TOX4: variants seen among roughly 807,000 people sequenced by gnomAD.
The protein encoded by TOX4 is epidermal Langerhans cell protein LCP1.
TOX4 carries 12 observed loss-of-function variants against 61.0 expected under a neutral mutation model. The observed-to-expected ratio is 0.20, with a 90% CI of 0.13 to 0.32. The LOEUF (loss-of-function observed/expected upper bound fraction) is 0.32. Ranked by LOEUF, TOX4 falls within the 10% of genes least tolerant of loss-of-function variation. The pLI, the probability that TOX4 is intolerant of heterozygous loss-of-function variation, is 1.00. For synonymous variants in TOX4, 268 were observed against 274.8 expected, an observed-to-expected ratio of 0.98 and a Z score of 0.24; for missense variants, 499 against 753.3, an observed-to-expected ratio of 0.66 and a Z score of 3.95.
chr14:21,481,326 G>T (rs932726981), intron 2 of TOX4, among the ~76,000 whole-genome samples: 5 of 152,178 alleles, frequency 3.3e-5, no homozygotes, highest in Admixed American at 2.6e-4. Context: ...TTACAGGCAT[G>T]TGCCACCACA....
At chr14:21,483,060 T>G (rs1891134324) in intron 2 of TOX4, among the ~76,000 whole-genome samples, 1 of 152,220 alleles carries the variant, frequency 6.6e-6, no homozygotes, top group Non-Finnish European at 1.5e-5. Context: ...TCTAATTTTT[T>G]TATCATTTCC....
At chr14:21,490,172 A>G (rs746779165) in intron 5 of TOX4, among the ~76,000 whole-genome samples, 1 of 151,478 alleles carries the variant, frequency 6.6e-6, no homozygotes, top group Non-Finnish European at 1.5e-5. Context: ...CCCCGGCTCA[A>G]ATAAATAAAT....
intron 2 of TOX4, 117 bp downstream of exon 2, chr14:21,477,681 G>A: frequency 8.6e-7 from 1 of 1,164,572 alleles, no homozygotes; most frequent in Non-Finnish European, 1.2e-6. Context: ...GCCGCAATTG[G>A]TGTTTAGAGA....
At chr14:21,482,431 AATAAT>A (rs1891121245) in intron 2 of TOX4, 1 of 373,316 alleles carries the variant, frequency 2.7e-6, no homozygotes, top group African/African-American at 2.2e-5. Context: ...AAGCTAAAGA[AATAAT>A]AGATTGTATG....
In TOX4 at chr14:21,492,781, G is replaced by A; in HGVS notation, c.1165G>A (p.Val389Ile). 6.2e-7 allele frequency: 1 copy of A among 1,614,098 alleles called. No homozygotes were observed. Among genetic ancestry groups the A allele is most frequent in the Admixed American group, 1.7e-5 (1 of 60,006 alleles). The change falls in exon 7 of 9, where the codon GTT becomes ATT. Residue 389 changes from valine (V) to isoleucine (I), a missense_variant. Coordinates refer to ENST00000448790, the MANE Select transcript of TOX4 (RefSeq NM_014828.4). Reference protein sequence around the residue: ...ITMSQGGMVTVIPATVVTSRG... With the variant: ...ITMSQGGMVTIIPATVVTSRG... ...TATGTCTCAAGGAGGGATGGTTACT[G>A]TTATCCCAGCCACAGTGGTGACCTC...
rs892999366 is a variant in TOX4, at chr14:21,497,402, TTAAA to T, written c.*801_*804del. 10 of 152,300 alleles carry T rather than the reference TTAAA, an allele frequency of 6.6e-5. No individual in the cohort carries two copies. In the East Asian group the frequency reaches 1.2e-3, roughly 18 times the overall value. The allele number at this position is 152,300 out of a possible 1,614,324, so 9.4% of individuals were successfully genotyped here. ...CATGATAGTCCAAGTGGTGATAACT[TTAAA>T]TAAAACTCAAATTTTTACTGTTTGT... On this transcript the variant is annotated 3_prime_UTR_variant, in exon 9 of 9. Transcript: ENST00000448790.
intron 7 of TOX4, 125 bp downstream of exon 7, chr14:21,493,382 G>A: frequency 9.9e-7 from 1 of 1,013,128 alleles, no homozygotes; most frequent in Non-Finnish European, 1.4e-6. Context: ...AAAACATCCT[G>A]CAGATGGGAG....
intron 1 of TOX4, 83 bp downstream of exon 1, chr14:21,477,367 C>T: frequency 6.2e-7 from 1 of 1,612,536 alleles, no homozygotes; most frequent in Non-Finnish European, 8.5e-7. Flanking sequence ...GGCGGAGAGG[C>T]GACTGACGGG....
rs1891324132 is a variant in TOX4 at position 21,492,926 on chromosome 14, A to C, written c.1310A>C (p.Gln437Pro). 1.2e-6 allele frequency: 2 copies of C among 1,609,326 alleles called. No homozygotes were observed. Among genetic ancestry groups the C allele is most frequent in the Non-Finnish European group, 1.7e-6 (2 of 1,178,908 alleles). The change falls in exon 7 of 9, where the codon CAA becomes CCA. Residue 437 changes from glutamine (Q) to proline (P), a missense_variant. Gln to Pro is a moderately conservative substitution (Grantham distance 76, BLOSUM62 -1). This residue lies in a region of TOX4 where 296 missense variants were observed against 404.7 expected (regional missense o/e 0.73). Transcript: ENST00000448790. ...AAAAAAAASMQLPPPRLQPPP... is the reference protein window; with the variant it reads ...AAAAAAAASMPLPPPRLQPPP... The stretch of plus-strand genomic sequence containing the variant: ...GCTGCTGCTGCTGCTGCTTCTATGC[A>C]ACTGCCTCCACCCCGACTACAGCCC...
chr14:21,481,262 T>TC (rs568071082), intron 2 of TOX4, among the ~76,000 whole-genome samples: 121 of 152,166 alleles, frequency 8.0e-4, no homozygotes, highest in Non-Finnish European at 1.5e-3. Flanking sequence ...CACTGCAACC[T>TC]CCACCTCTCA....
rs200885775 is a variant in TOX4 at position 21,488,641 on chromosome 14, A to G, written c.370A>G (p.Ile124Val). 3.7e-6 allele frequency: 6 copies of G among 1,614,098 alleles called. No individual in the cohort carries two copies. Among genetic ancestry groups the G allele is most frequent in the Admixed American group, 3.3e-5 (2 of 60,010 alleles). Residue 124 changes from isoleucine to valine, a missense_variant, in exon 4 of 9, where the codon ATT becomes GTT. By Grantham distance (29) the Ile-to-Val change is conservative. This residue lies in a region of TOX4 where 90 missense variants were observed against 109.5 expected (regional missense o/e 0.82). Transcript: ENST00000448790. ...TQYSANPPVT[I>V]DVPMTDMTSG... is the part of the protein sequence containing the mutation. ...GTATAGTGCCAACCCACCTGTTACA[A>G]TTGATGTACCAATGACAGACATGAC...
In TOX4 at chr14:21,498,715, A is replaced by T. The variant is rs1441244545; in HGVS notation, c.*2109A>T. The T allele has an allele frequency of 6.5e-6, 3 of 462,256 alleles. No individual in the cohort carries two copies. Among genetic ancestry groups the T allele is most frequent in the Non-Finnish European group, 1.2e-5 (3 of 258,928 alleles). 28.6% of individuals were successfully genotyped at this position (462,256 alleles called of 1,614,324 possible). A position where few individuals can be genotyped will look rare whatever the true frequency, so the allele number is the denominator to read the frequency against. ...GGGTGAAAGATGTAATTATTGACAGATTAAATAGATAACTTCGTAACCACC... is the reference window on the plus strand; with the variant it reads ...GGGTGAAAGATGTAATTATTGACAGTTTAAATAGATAACTTCGTAACCACC... On this transcript the variant is annotated 3_prime_UTR_variant, in exon 9 of 9. Coordinates refer to ENST00000448790, the MANE Select transcript of TOX4 (RefSeq NM_014828.4).
Position 21,492,598 on chromosome 14 carries a change from G to A in TOX4, c.982G>A (p.Ala328Thr), listed in dbSNP as rs201629973. 3 of 1,613,760 alleles carry A rather than the reference G, an allele frequency of 1.9e-6. No individual in the cohort carries two copies. The highest frequency in any genetic ancestry group is 2.5e-6 in the Non-Finnish European group (3 of 1,180,022). ...GGCTACTGTTGACCCAGCATCTCCA[G>A]CACCAGCTTCAATAGAGCCCCCTGC... ...PMATVDPASP[A>T]PASIEPPALS... The change falls in exon 7 of 9, where the codon GCA becomes ACA. Residue 328 changes from alanine (A) to threonine (T), a missense_variant. Physicochemically the swap from Ala to Thr is moderately conservative, Grantham distance 58. Transcript: ENST00000448790.
Position 21,498,317 on chromosome 14 carries a change from C to T in TOX4, c.*1711C>T. Reference sequence around the variant, plus strand: ...GGGTACCTTTGCTTGAACCGTGCAACCACATCTGGGTCTAGTAGGTGGATC... The same window carrying T: ...GGGTACCTTTGCTTGAACCGTGCAATCACATCTGGGTCTAGTAGGTGGATC... On this transcript the variant is annotated 3_prime_UTR_variant, in exon 9 of 9. Coordinates refer to ENST00000448790, the MANE Select transcript of TOX4 (RefSeq NM_014828.4). 1 of 1,614,118 alleles carries T rather than the reference C, an allele frequency of 6.2e-7. No individual in the cohort carries two copies. Among genetic ancestry groups the T allele is most frequent in the Non-Finnish European group, 8.5e-7 (1 of 1,180,002 alleles).
rs1348790143 is a variant in TOX4, at chr14:21,498,348, C to T, written c.*1742C>T. On this transcript the variant is annotated 3_prime_UTR_variant, in exon 9 of 9. Coordinates refer to ENST00000448790, the MANE Select transcript of TOX4 (RefSeq NM_014828.4). ...CTGGGTCTAGTAGGTGGATCCCATC[C>T]AGTTGGTTTCCAAGGGTGATCCTGA... 5.6e-6 allele frequency: 9 copies of T among 1,613,984 alleles called. No homozygotes were observed. The highest frequency in any genetic ancestry group is 1.3e-5 in the African/African-American group (1 of 74,912).
intron 8 of TOX4, 51 bp from the exon 9 acceptor site, chr14:21,496,495 C>T (rs774753071): frequency 6.6e-7 from 1 of 1,522,782 alleles, no homozygotes; most frequent in African/African-American, 1.4e-5. Context: ...GGCTGTAATT[C>T]TATTTCAGTT....
chr14:21,481,465 C>T (rs1438910419), intron 2 of TOX4, among the ~76,000 whole-genome samples: 2 of 152,182 alleles, frequency 1.3e-5, no homozygotes, highest in Non-Finnish European at 2.9e-5. Flanking sequence ...AGCTGTGAGC[C>T]ACCTTGCCCA....
Position 21,488,810 on chromosome 14 carries a change from C to G in TOX4, c.539C>G (p.Thr180Ser). Residue 180 changes from threonine (T) to serine (S), a missense_variant, in exon 4 of 9, where the codon ACT becomes AGT. By Grantham distance (58) the Thr-to-Ser change is moderately conservative (BLOSUM62 1). Coordinates refer to ENST00000448790, the MANE Select transcript of TOX4 (RefSeq NM_014828.4). ...CGTCTTTCAACCACCCCTTCACCTA[C>G]TAGTTCACTTCACGAGGATGGTGTT... is the stretch of plus-strand genomic sequence containing the variant. ...EDRLSTTPSP[T>S]SSLHEDGVED... The G allele has an allele frequency of 6.2e-7, 1 of 1,614,220 alleles. No individual in the cohort carries two copies. Among genetic ancestry groups the G allele is most frequent in the Non-Finnish European group, 8.5e-7 (1 of 1,180,050 alleles).
Position 21,498,456 on chromosome 14 carries a change from T to A in TOX4, c.*1850T>A. The A allele has an allele frequency of 3.2e-6, 4 of 1,238,002 alleles. No homozygotes were observed. The highest frequency in any genetic ancestry group is 1.3e-5 in the South Asian group (1 of 78,654). The allele number at this position is 1,238,002 out of a possible 1,614,324, so 76.7% of individuals were successfully genotyped here. The stretch of plus-strand genomic sequence containing the variant: ...TAAAAAATGCATACCAAATGAAGAC[T>A]GCCTATCATCATATCAAATATGCCA... On this transcript the variant is annotated 3_prime_UTR_variant, in exon 9 of 9. Coordinates refer to ENST00000448790, the MANE Select transcript of TOX4 (RefSeq NM_014828.4).
Sources: gnomAD v4.1 joint callset for allele counts (sites outside exome capture counted in the v4.1 genomes callset) on GRCh38, gnomAD v4.1.1 for gene constraint, gnomAD v4.1.1 regional missense constraint, MANE v1.5 for transcripts, NCBI Gene and HGNC (gene_info 2026-07-23, HGNC 2026-07-21) for gene names.